Variants in VTI1A observed in about 807,000 individuals in gnomAD.
VTI1A encodes vesicle transport through interaction with t-SNAREs homolog 1A.
VTI1A carries 22 observed loss-of-function variants against 34.9 expected under a neutral mutation model. The ratio of observed to expected loss-of-function variants is 0.63; its 90% CI spans 0.45 to 0.90. The LOEUF (loss-of-function observed/expected upper bound fraction) is 0.90. VTI1A is among the 40% of genes least tolerant of loss of function. The pLI is 0.00. For missense variants in VTI1A, 268 were observed against 275.6 expected, an observed-to-expected ratio of 0.97 and a Z score of 0.20; for synonymous variants, 87 against 97.3, an observed-to-expected ratio of 0.89 and a Z score of 0.62.
At chr10:112,505,500 A>G (rs1849396186) in intron 3 of VTI1A, among the ~76,000 whole-genome samples, 1 of 152,138 alleles carries the variant, frequency 6.6e-6, no homozygotes, top group Non-Finnish European at 1.5e-5. Context: ...TATGTTTGCT[A>G]GTATTTCTAG....
At chr10:112,617,693 A>G (rs775274118) in intron 5 of VTI1A, among the ~76,000 whole-genome samples, 9 of 152,096 alleles carry the variant, frequency 5.9e-5, no homozygotes, top group Non-Finnish European at 1.0e-4. Flanking sequence ...TTGCATATGC[A>G]TGGTAAAATT....
intron 5 of VTI1A, among the ~76,000 whole-genome samples, chr10:112,643,639 A>G (rs1157095265): frequency 6.6e-6 from 1 of 152,160 alleles, no homozygotes; most frequent in Non-Finnish European, 1.5e-5. Flanking sequence ...TGTGTGCCTC[A>G]ATCTAAAAGG....
At chr10:112,692,729 A>G (rs937693945) in intron 7 of VTI1A, among the ~76,000 whole-genome samples, 3 of 152,234 alleles carry the variant, frequency 2.0e-5, no homozygotes, top group African/African-American at 4.8e-5. Context: ...ATAGATGCAT[A>G]ACTAAATACC....
intron 7 of VTI1A, among the ~76,000 whole-genome samples, chr10:112,711,634 C>G (rs1459025646): frequency 2.0e-5 from 3 of 152,184 alleles, no homozygotes; most frequent in Non-Finnish European, 2.9e-5. Flanking sequence ...CCGGTGACTT[C>G]CCACACACGG....
the VTI1A span, among the ~76,000 whole-genome samples, chr10:112,840,744 A>T: frequency 6.6e-6 from 1 of 152,162 alleles, no homozygotes; most frequent in African/African-American, 2.4e-5. Flanking sequence ...TGAGCCTAAT[A>T]AAATTCTGTA....
At chr10:112,530,630 A>G (rs1850385340) in intron 4 of VTI1A, among the ~76,000 whole-genome samples, 1 of 152,192 alleles carries the variant, frequency 6.6e-6, no homozygotes, top group Non-Finnish European at 1.5e-5. Context: ...GACTATTTCC[A>G]AATGTGGGGA....
chr10:112,603,510 G>A (rs1325190796), intron 5 of VTI1A, among the ~76,000 whole-genome samples: 2 of 152,056 alleles, frequency 1.3e-5, no homozygotes, highest in African/African-American at 4.8e-5. Flanking sequence ...AGTAGTAATA[G>A]TAATAGTGAT....
In VTI1A at chr10:112,815,356, G is replaced by T; in HGVS notation, c.627G>T (p.Ala209=). 2 of 1,613,986 alleles carry T rather than the reference G, an allele frequency of 1.2e-6. No individual in the cohort carries two copies. Among genetic ancestry groups the T allele is most frequent in the Non-Finnish European group, 1.7e-6 (2 of 1,179,986 alleles). Residue 209 remains alanine, a synonymous_variant, in exon 8 of 8, where the codon GCG becomes GCT. Transcript: ENST00000393077. The stretch of plus-strand genomic sequence containing the variant: ...TCGTGGTCATCACCATCCTGATGGC[G>T]ATCACTTTTTCTGTCAGAAGACACT... ...GIIVVITILM[A]ITFSVRRH
intron 7 of VTI1A, among the ~76,000 whole-genome samples, chr10:112,764,067 C>T (rs887747517): frequency 6.6e-6 from 1 of 152,184 alleles, no homozygotes; most frequent in Non-Finnish European, 1.5e-5. Context: ...TCTCCCACAT[C>T]CCTGGGAGTT....
intron 7 of VTI1A, among the ~76,000 whole-genome samples, chr10:112,755,533 C>G (rs146915957): frequency 6.6e-6 from 1 of 152,150 alleles, no homozygotes; most frequent in African/African-American, 2.4e-5. Flanking sequence ...TGTCCCTGCA[C>G]GGAGCAGCGC....
At chr10:112,627,891 A>T (rs1391932178) in intron 5 of VTI1A, among the ~76,000 whole-genome samples, 2 of 152,170 alleles carry the variant, frequency 1.3e-5, no homozygotes, top group Non-Finnish European at 2.9e-5. Flanking sequence ...AAAAGGATAG[A>T]TAATTCCAGG....
intron 3 of VTI1A, among the ~76,000 whole-genome samples, chr10:112,523,949 A>G (rs1850122665): frequency 6.6e-6 from 1 of 152,182 alleles, no homozygotes; most frequent in African/African-American, 2.4e-5. Context: ...AAGTTTATCA[A>G]GATACAGTAA....
the VTI1A span, among the ~76,000 whole-genome samples, chr10:112,843,765 A>G: frequency 6.6e-6 from 1 of 152,120 alleles, no homozygotes; most frequent in African/African-American, 2.4e-5. Context: ...CAAGGTCATC[A>G]TGTGGTCAGC....
intron 5 of VTI1A, among the ~76,000 whole-genome samples, chr10:112,606,870 C>T (rs1472840769): frequency 6.6e-6 from 1 of 152,170 alleles, no homozygotes; most frequent in African/African-American, 2.4e-5. Context: ...GAACCTAGTC[C>T]TAGTGGCAAC....
At chr10:112,647,882 G>A (rs1354472398) in intron 5 of VTI1A, among the ~76,000 whole-genome samples, 7 of 152,098 alleles carry the variant, frequency 4.6e-5, no homozygotes, top group Non-Finnish European at 7.4e-5. Context: ...TGATTCTCCT[G>A]CCTTAGCCTC....
chr10:112,564,665 G>A (rs1851847323), intron 5 of VTI1A, among the ~76,000 whole-genome samples: 1 of 152,052 alleles, frequency 6.6e-6, no homozygotes, highest in Admixed American at 6.5e-5. Context: ...TTCTCTGTTA[G>A]AATTAGCAGC....
At chr10:112,673,315 CAAAAA>C (rs745306451) in intron 7 of VTI1A, among the ~76,000 whole-genome samples, 44 of 68,910 alleles carry the variant, frequency 6.4e-4, no homozygotes, top group African/African-American at 2.1e-3. Flanking sequence ...GACTCCATCT[CAAAAA>C]AAAAAAAAAA....
At chr10:112,760,405 A>G (rs763447316) in intron 7 of VTI1A, among the ~76,000 whole-genome samples, 4 of 152,216 alleles carry the variant, frequency 2.6e-5, no homozygotes, top group Non-Finnish European at 5.9e-5. Context: ...ATGTCTTAGT[A>G]TCTTTCAGAC....
chr10:112,457,602 T>G (rs1847581630), intron 1 of VTI1A, among the ~76,000 whole-genome samples: 1 of 152,156 alleles, frequency 6.6e-6, no homozygotes, highest in Non-Finnish European at 1.5e-5. Flanking sequence ...GAGATGGGCA[T>G]TGGGATTAAA....
Sources: gnomAD v4.1 joint callset for allele counts (sites outside exome capture counted in the v4.1 genomes callset) on GRCh38, gnomAD v4.1.1 for gene constraint, MANE v1.5 for transcripts, NCBI Gene and HGNC (gene_info 2026-07-23, HGNC 2026-07-21) for gene names.